Variants in MAST4 observed in about 807,000 individuals in gnomAD.
MAST4 encodes microtubule associated serine/threonine kinase family member 4.
A neutral mutation model predicts 162.7 loss-of-function variants in MAST4; 89 were observed. That is an observed-to-expected ratio of 0.55 (90% CI 0.46 to 0.65). The LOEUF (loss-of-function observed/expected upper bound fraction) is 0.65. Among genes scored for constraint, MAST4 ranks in the 30% least tolerant of loss-of-function variants. The pLI, the probability that MAST4 is intolerant of heterozygous loss-of-function variation, is 0.00. For missense variants in MAST4, 3,153 were observed against 3,374.0 expected (o/e 0.93, Z 1.62); for synonymous variants, 1,479 against 1,361.1 (o/e 1.09, Z -1.91).
intron 1 of MAST4, among the ~76,000 whole-genome samples, chr5:66,723,619 C>T (rs1478791308): frequency 1.3e-5 from 2 of 152,062 alleles, no homozygotes; most frequent in Non-Finnish European, 2.9e-5. Context: ...AGTGCCTGTT[C>T]CCTTATGAAA....
chr5:67,164,331 C>T lies in MAST4; in HGVS notation c.5152C>T (p.Leu1718=). The change falls in exon 29 of 29, where the codon CTG becomes TTG. Residue 1718 remains leucine (L), a synonymous_variant. Transcript: ENST00000403625. This position sits in a 1 kb window ranked among gnomAD's most constrained non-coding sequence, Gnocchi z 5.3. ...PKMTAGSHEC[L]PGNPVRPTGG... is the part of the protein sequence containing the mutation. Reference sequence around the variant, plus strand: ...GATGACAGCTGGCTCCCACGAATGCCTGCCAGGGAACCCAGTCCGACCCAC... The same window carrying T: ...GATGACAGCTGGCTCCCACGAATGCTTGCCAGGGAACCCAGTCCGACCCAC... 1 of 1,613,976 alleles carries T rather than the reference C, an allele frequency of 6.2e-7. No homozygotes were observed. The highest frequency in any genetic ancestry group is 8.5e-7 in the Non-Finnish European group (1 of 1,179,886).
In MAST4 at chr5:66,695,494, A is replaced by G. The variant is rs141910578; in HGVS notation, c.364-64215A>G. Among the ~76,000 whole-genome samples, 768 of 152,168 alleles carry G rather than the reference A, an allele frequency of 5.0e-3. 4 individuals carry two copies. In the Middle Eastern group the frequency reaches 0.058, roughly 11 times the overall value. On this transcript the variant is annotated intron_variant, in intron 1 of 28. Transcript: ENST00000403625. ...TTTTGCTTAGGGTTGTCTTGGCTAT[A>G]TGGGCTCTTTTTTGGTTCCATATGA...
In MAST4 at chr5:66,665,659, A is replaced by G. The variant is rs537725196; in HGVS notation, c.363+68641A>G. Among the ~76,000 whole-genome samples, 13 of 152,320 alleles carry G rather than the reference A, an allele frequency of 8.5e-5. 1 individual carries two copies. The highest frequency in any genetic ancestry group is 2.4e-4 in the African/African-American group (10 of 41,578). ...TCTTTAGTGGTAGTATTTGAACTAC[A>G]GAGTCGTTAAGACGGGCAACTTGGG... On this transcript the variant is annotated intron_variant, in intron 1 of 28. Coordinates refer to ENST00000403625, the MANE Select transcript of MAST4 (RefSeq NM_001164664.2).
intron 3 of MAST4, among the ~76,000 whole-genome samples, chr5:66,814,508 G>A (rs868231962): frequency 1.7e-4 from 26 of 152,090 alleles, no homozygotes; most frequent in East Asian, 5.8e-4. Context: ...GACAGGCTCC[G>A]CATTTCTCAT....
At chr5:67,113,313 CA>C (rs34018550) in intron 11 of MAST4, among the ~76,000 whole-genome samples, 14,425 of 66,518 alleles carry the variant, frequency 0.22, 175 homozygotes, top group African/African-American at 0.37. Flanking sequence ...GACTCCGTCT[CA>C]AAAAAAAAAA....
chr5:66,870,093 C>T (rs902009174), intron 3 of MAST4, among the ~76,000 whole-genome samples: 3 of 152,126 alleles, frequency 2.0e-5, no homozygotes, highest in Admixed American at 6.5e-5. Context: ...TTCCGTGTGA[C>T]CCATATGTCC....
Position 67,145,000 on chromosome 5 carries a change from G to A in MAST4, c.2859-144G>A, listed in dbSNP as rs956280896. 4.3e-5 allele frequency: 38 copies of A among 885,398 alleles called. No homozygotes were observed. In the South Asian group the frequency reaches 6.3e-4, roughly 15 times the overall value. The allele number at this position is 885,398 out of a possible 1,614,324, so 54.8% of individuals were successfully genotyped here. A position where few individuals can be genotyped will look rare whatever the true frequency, so the allele number is the denominator to read the frequency against. On this transcript the variant is annotated intron_variant, in intron 22 of 28. Coordinates refer to ENST00000403625, the MANE Select transcript of MAST4 (RefSeq NM_001164664.2). ...AGATTATGCAGATGTTGCTGCTGTG[G>A]GTACCACACATTAAGAACCATTGCA...
At position 67,060,919 on chromosome 5, in the gene MAST4, C is replaced by T. The variant is rs116544083; in HGVS notation, c.763+6427C>T. 8.9e-3 allele frequency among the ~76,000 whole-genome samples: 1,359 copies of T among 152,168 alleles called. 29 individuals carry two copies. Among genetic ancestry groups the T allele is most frequent in the African/African-American group, 0.031 (1,286 of 41,498 alleles). On this transcript the variant is annotated intron_variant, in intron 5 of 28. Transcript: ENST00000403625. ...AAGCACTTACTTGTTTACTAATAGG[C>T]GTGTGACTGTTTCGTTTTAAAATTT...
intron 1 of MAST4, among the ~76,000 whole-genome samples, chr5:66,721,994 AT>A (rs1751240507): frequency 6.6e-6 from 1 of 151,876 alleles, no homozygotes; most frequent in Non-Finnish European, 1.5e-5. Context: ...AAAAGCAACC[AT>A]TTCTCATTGC....
chr5:67,126,761 C>G (rs1164377905), intron 14 of MAST4, among the ~76,000 whole-genome samples: 1 of 152,024 alleles, frequency 6.6e-6, no homozygotes, highest in Non-Finnish European at 1.5e-5. Context: ...TTTAAAGAAG[C>G]TTTTTCCAAT....
At chr5:67,113,000 T>C (rs926735733) in intron 11 of MAST4, among the ~76,000 whole-genome samples, 12 of 152,076 alleles carry the variant, frequency 7.9e-5, no homozygotes, top group African/African-American at 2.9e-4. Context: ...TCCAAGGGTT[T>C]CAGGAGTGGT....
intron 1 of MAST4, among the ~76,000 whole-genome samples, chr5:66,663,186 G>T (rs4235472): frequency 0.66 from 99,726 of 152,030 alleles, 33,426 homozygotes; most frequent in African/African-American, 0.78. Flanking sequence ...TTTGTGCTTA[G>T]GCTGTATGCC....
At chr5:66,902,301 A>G (rs533198665) in intron 4 of MAST4, among the ~76,000 whole-genome samples, 1 of 152,320 alleles carries the variant, frequency 6.6e-6, no homozygotes, top group East Asian at 1.9e-4. Context: ...ATTTTGATAT[A>G]TCTGCTGCTT....
At chr5:66,864,768 G>T (rs1458397478) in intron 3 of MAST4, among the ~76,000 whole-genome samples, 1 of 152,008 alleles carries the variant, frequency 6.6e-6, no homozygotes, top group Non-Finnish European at 1.5e-5. Context: ...TCAGCCAGCA[G>T]AAGAACCAAC....
chr5:66,949,654 A>T (rs1744437602), intron 4 of MAST4, among the ~76,000 whole-genome samples: 3 of 152,140 alleles, frequency 2.0e-5, no homozygotes, highest in African/African-American at 7.2e-5. Context: ...TTGGTCACAG[A>T]TAGTCTGTAA....
chr5:66,642,526 G>A (rs1745553134), intron 1 of MAST4, among the ~76,000 whole-genome samples: 1 of 152,150 alleles, frequency 6.6e-6, no homozygotes, highest in South Asian at 2.1e-4. Flanking sequence ...TTTAAAAAGA[G>A]TTATCTTTTA....
At chr5:67,156,596 C>G (rs6449845) in intron 26 of MAST4, among the ~76,000 whole-genome samples, 7,449 of 152,188 alleles carry the variant, frequency 0.049, 488 homozygotes, top group African/African-American at 0.16. Flanking sequence ...AGTATATAGT[C>G]AGGGGTGCGG....
chr5:66,811,279 G>A (rs1756462957), intron 3 of MAST4, among the ~76,000 whole-genome samples: 1 of 152,172 alleles, frequency 6.6e-6, no homozygotes, highest in Non-Finnish European at 1.5e-5. Flanking sequence ...TAGCTTGATT[G>A]TTTGCAAATT....
intron 4 of MAST4, among the ~76,000 whole-genome samples, chr5:66,990,921 T>C (rs1048707624): frequency 1.7e-5 from 2 of 116,980 alleles, no homozygotes; most frequent in Admixed American, 9.5e-5. Flanking sequence ...TTATTCCCTA[T>C]GAAAGGCTGA....
Sources: gnomAD v4.1 joint callset for allele counts (sites outside exome capture counted in the v4.1 genomes callset) on GRCh38, gnomAD v4.1.1 for gene constraint, Gnocchi (gnomAD v3.1) non-coding constraint, MANE v1.5 for transcripts, NCBI Gene and HGNC (gene_info 2026-07-23, HGNC 2026-07-21) for gene names.